The following TAB2 variants were observed in gnomAD, a reference collection of about 807,000 sequenced individuals.
TAB2 encodes TGF-beta activated kinase 1 (MAP3K7) binding protein 2, also known as TGF-beta-activated kinase 1 and MAP3K7-binding protein 2.
Under a neutral mutation model 65.0 loss-of-function variants are expected in TAB2, and 3 were observed. That is an observed-to-expected ratio of 0.05 (90% CI 0.02 to 0.12). TAB2 has a LOEUF of 0.12. Ranked by LOEUF, TAB2 falls within the 10% of genes least tolerant of loss-of-function variation. The probability of loss-of-function intolerance (pLI) is 1.00; values close to 1 mark genes in which losing one functional copy is unlikely to be tolerated. For missense variants in TAB2, 623 were observed against 840.3 expected (o/e 0.74, Z 3.20); for synonymous variants, 298 against 285.1 (o/e 1.05, Z -0.46).
At position 149,236,262 on chromosome 6, in the gene TAB2, A is replaced by T. The variant is rs575101944; in HGVS notation, c.-121+17486A>T. ...ATAAAATAAAATGGTCCAGGAATATAATGACCAATGAGGTCACCCTCATTT... is the reference window on the plus strand; with the variant it reads ...ATAAAATAAAATGGTCCAGGAATATTATGACCAATGAGGTCACCCTCATTT... On this transcript the variant is annotated intron_variant, in intron 1 of 1. Transcript: ENST00000606202. Among the ~76,000 whole-genome samples the T allele has an allele frequency of 1.4e-3, 216 of 152,358 alleles. 1 individual carries two copies. Among genetic ancestry groups the T allele is most frequent in the African/African-American group, 4.8e-3 (201 of 41,584 alleles).
intron 1 of TAB2, among the ~76,000 whole-genome samples, chr6:149,270,104 G>C (rs573531014): frequency 6.6e-6 from 1 of 152,310 alleles, no homozygotes; most frequent in East Asian, 1.9e-4. Context: ...GCTAATGTTT[G>C]ATAATGTTGA....
At chr6:149,364,831 T>G (rs553269921) in intron 1 of TAB2, among the ~76,000 whole-genome samples, 1 of 151,574 alleles carries the variant, frequency 6.6e-6, no homozygotes. Context: ...TATACTCTTA[T>G]AGTCCTAGAA....
At chr6:149,267,531 G>A (rs188759000) in intron 1 of TAB2, among the ~76,000 whole-genome samples, 1 of 152,228 alleles carries the variant, frequency 6.6e-6, no homozygotes, top group East Asian at 1.9e-4. Flanking sequence ...AGCTCTAAGA[G>A]GGTAGGGATT....
Position 149,407,829 on chromosome 6 carries a change from C to T in TAB2, c.1940-1748C>T, listed in dbSNP as rs73615957. ...TTTACCAAGTGAGATTATAAGAAAA[C>T]CACTGGAGATTTTTCATTTAAGAAA... On this transcript the variant is annotated intron_variant, in intron 6 of 6. Transcript: ENST00000637181. Among the ~76,000 whole-genome samples, 761 of 150,334 alleles carry T rather than the reference C, an allele frequency of 5.1e-3. 6 individuals are homozygous for T. Among genetic ancestry groups the T allele is most frequent in the African/African-American group, 0.018 (740 of 41,038 alleles).
At position 149,400,737 on chromosome 6, in the gene TAB2, A is replaced by G. The variant is rs1195646518; in HGVS notation, c.1939+1553A>G. 3.2e-6 allele frequency: 5 copies of G among 1,559,230 alleles called. No homozygotes were observed. The East Asian group carries it at 6.7e-5, about 21-fold the overall frequency. On this transcript the variant is annotated intron_variant, in intron 6 of 6. Transcript: ENST00000637181. The stretch of plus-strand genomic sequence containing the variant: ...GTTCTTTAAAGACCAAGATTACTGC[A>G]TTCTCAATTAGAAAACTGCAATTTG...
chr6:149,265,950 A>G (rs1483761849), intron 1 of TAB2, among the ~76,000 whole-genome samples: 1 of 152,082 alleles, frequency 6.6e-6, no homozygotes, highest in African/African-American at 2.4e-5. Flanking sequence ...ACTTAACTAC[A>G]ATGTCTGCCC....
chr6:149,403,331 CAT>C (rs1163835321), intron 6 of TAB2, among the ~76,000 whole-genome samples: 119 of 33,782 alleles, frequency 3.5e-3, no homozygotes, highest in South Asian at 0.015. Flanking sequence ...CATATATATA[CAT>C]ATATATACAC....
At chr6:149,349,216 T>A (rs1443755172) in intron 1 of TAB2, among the ~76,000 whole-genome samples, 2 of 151,570 alleles carry the variant, frequency 1.3e-5, no homozygotes, top group Non-Finnish European at 2.9e-5. Context: ...GCCAGGAGAT[T>A]GAGATGATCC....
chr6:149,320,109 C>T (rs1779389163), intron 1 of TAB2, among the ~76,000 whole-genome samples: 2 of 152,142 alleles, frequency 1.3e-5, no homozygotes, highest in Non-Finnish European at 2.9e-5. Context: ...GACAGTCTCG[C>T]TCTGTCACCC....
chr6:149,279,419 T>G (rs1167187398), intron 1 of TAB2, among the ~76,000 whole-genome samples: 2 of 152,150 alleles, frequency 1.3e-5, no homozygotes, highest in Non-Finnish European at 2.9e-5. Flanking sequence ...GGTAATTTTT[T>G]CCTCTCCCGT....
At chr6:149,230,677 TC>T (rs1252344029) in intron 1 of TAB2, among the ~76,000 whole-genome samples, 1 of 152,154 alleles carries the variant, frequency 6.6e-6, no homozygotes, top group East Asian at 1.9e-4. Flanking sequence ...TTCTAGGCAG[TC>T]ATAATCCACA....
intron 1 of TAB2, among the ~76,000 whole-genome samples, chr6:149,288,192 A>T (rs1049663673): frequency 1.8e-4 from 28 of 152,250 alleles, no homozygotes; most frequent in African/African-American, 6.5e-4. Context: ...CTGAGGTGCA[A>T]ATATCCCAGT....
chr6:149,324,004 G>A (rs909431559), intron 1 of TAB2, among the ~76,000 whole-genome samples: 3 of 152,082 alleles, frequency 2.0e-5, no homozygotes, highest in African/African-American at 7.2e-5. Flanking sequence ...AGTGGCTTCA[G>A]AAAGGAAGTC....
rs1186383044 is a variant in TAB2, at chr6:149,378,978, G to A, written c.1063G>A (p.Val355Ile). The A allele has an allele frequency of 3.7e-6, 6 of 1,614,138 alleles. No individual in the cohort carries two copies. Among genetic ancestry groups the A allele is most frequent in the Non-Finnish European group, 5.1e-6 (6 of 1,180,038 alleles). The part of the protein sequence containing the change: ...GPRTSSTSSS[V>I]NSQTLNRNQP... ...TCGAACCTCCAGCACTTCCTCTTCA[G>A]TCAATAGCCAGACCTTAAACAGAAA... The change falls in exon 3 of 7, where the codon GTC becomes ATC. Residue 355 changes from valine to isoleucine, a missense_variant. Coordinates refer to ENST00000637181, the MANE Select transcript of TAB2 (RefSeq NM_001292034.3).
intron 1 of TAB2, among the ~76,000 whole-genome samples, chr6:149,282,628 T>C (rs1279371601): frequency 1.3e-5 from 2 of 152,140 alleles, no homozygotes; most frequent in Non-Finnish European, 2.9e-5. Context: ...AATCAGAAAT[T>C]AAAAGAATGA....
At chr6:149,284,798 A>G (rs1322890156) in intron 1 of TAB2, among the ~76,000 whole-genome samples, 1 of 152,132 alleles carries the variant, frequency 6.6e-6, no homozygotes, top group Non-Finnish European at 1.5e-5. Context: ...CTAAATTAAC[A>G]TCTAAAGAAC....
At chr6:149,306,135 G>A (rs1426684633) in intron 1 of TAB2, among the ~76,000 whole-genome samples, 1 of 152,186 alleles carries the variant, frequency 6.6e-6, no homozygotes, top group Non-Finnish European at 1.5e-5. Context: ...GCCAGGCATG[G>A]TAGCTCATGC....
chr6:149,386,166 T>G (rs146128739), intron 3 of TAB2, among the ~76,000 whole-genome samples: 1 of 152,212 alleles, frequency 6.6e-6, no homozygotes, highest in African/African-American at 2.4e-5. Context: ...GATTATATAA[T>G]ATGCACATAC....
chr6:149,315,150 A>T (rs562800614), upstream of TAB2, among the ~76,000 whole-genome samples: 5 of 152,304 alleles, frequency 3.3e-5, no homozygotes, highest in African/African-American at 1.2e-4. Context: ...TCTCTATCTC[A>T]TAACAGTCCT....
Sources: gnomAD v4.1 joint callset for allele counts (sites outside exome capture counted in the v4.1 genomes callset) on GRCh38, gnomAD v4.1.1 for gene constraint, MANE v1.5 for transcripts, NCBI Gene and HGNC (gene_info 2026-07-23, HGNC 2026-07-21) for gene names.